Variants in CA12 observed in about 807,000 individuals in gnomAD.
The protein encoded by CA12 is carbonate dehydratase XII.
CA12 carries 36 observed loss-of-function variants against 46.8 expected under a neutral mutation model. The ratio of observed to expected loss-of-function variants is 0.77; its 90% CI spans 0.59 to 1.02. The LOEUF is 1.02. Ranked by LOEUF, CA12 falls within the 50% of genes least tolerant of loss-of-function variation. The pLI, the probability that CA12 is intolerant of heterozygous loss-of-function variation, is 0.00. For missense variants in CA12, 436 were observed against 451.4 expected, an observed-to-expected ratio of 0.97 and a Z score of 0.31; for synonymous variants, 202 against 187.0, an observed-to-expected ratio of 1.08 and a Z score of -0.65.
In CA12 at chr15:63,348,123, A is replaced by G; in HGVS notation, c.107-1414T>C. 6.6e-6 allele frequency among the ~76,000 whole-genome samples: 1 copy of G among 152,200 alleles called. No individual in the cohort carries two copies. The highest frequency in any genetic ancestry group is 1.9e-4 in the East Asian group (1 of 5,202). Reference sequence around the variant, plus strand: ...AGTTAGTTCTTACTTCTAGGTCCGGACACACACATCGGAACCCTACTGATT... The same window carrying G: ...AGTTAGTTCTTACTTCTAGGTCCGGGCACACACATCGGAACCCTACTGATT... On this transcript the variant is annotated intron_variant, in intron 2 of 10. Coordinates refer to ENST00000178638, the MANE Select transcript of CA12 (RefSeq NM_001218.5). This position sits in a 1 kb window ranked among gnomAD's most constrained non-coding sequence, Gnocchi z 4.6.
intron 1 of CA12, 48 bp downstream of exon 1, chr15:63,381,588 C>A: frequency 6.8e-7 from 1 of 1,480,684 alleles, no homozygotes; most frequent in Non-Finnish European, 9.3e-7. Flanking sequence ...AGCCCAGGGG[C>A]GGCTGAGCGC....
Position 63,362,165 on chromosome 15 carries a change from A to T in CA12, c.106+13493T>A, listed in dbSNP as rs931483046. Among the ~76,000 whole-genome samples the T allele has an allele frequency of 3.9e-5, 6 of 152,206 alleles. No individual in the cohort carries two copies. The East Asian group carries it at 9.6e-4, about 24-fold the overall frequency. On this transcript the variant is annotated intron_variant, in intron 2 of 10. Transcript: ENST00000178638. Reference sequence around the variant, plus strand: ...AATGAATGTAGCTGTGTTCCAAAGAAATTTATTTATAAAACAGGTGTTGGG... The same window carrying T: ...AATGAATGTAGCTGTGTTCCAAAGATATTTATTTATAAAACAGGTGTTGGG...
chr15:63,356,842 C>CAAAGTATTAAAA (rs1161030396), intron 2 of CA12, among the ~76,000 whole-genome samples: 1 of 152,116 alleles, frequency 6.6e-6, no homozygotes, highest in Non-Finnish European at 1.5e-5. Context: ...ATATAGATCC[C>CAAAGTATTAAAA]AAAGTATTAA....
rs899289396 is a variant in CA12, at chr15:63,333,688, T to C, written c.874+5131A>G. 3.3e-5 allele frequency among the ~76,000 whole-genome samples: 5 copies of C among 152,364 alleles called. No homozygotes were observed. The South Asian group carries it at 1.0e-3, about 32-fold the overall frequency. ...GATAATTAGCCATCTTAGCCATGTC[T>C]GATTTCCTTCTCCCTCCTTTTAAGG... is the stretch of plus-strand genomic sequence containing the variant. On this transcript the variant is annotated intron_variant, in intron 8 of 10. Transcript: ENST00000178638.
Position 63,323,568 on chromosome 15 carries a change from T to TGTGTATCTTC in CA12, c.*2707_*2716dup, listed in dbSNP as rs1459939721. On this transcript the variant is annotated 3_prime_UTR_variant, in exon 11 of 11. Coordinates refer to ENST00000178638, the MANE Select transcript of CA12 (RefSeq NM_001218.5). The surrounding 1 kb of genome is among the most constrained non-coding windows in gnomAD (Gnocchi z 5.1). ...CATTTATAATTTCTTGTAGTTACAG[T>TGTGTATCTTC]GTGTATCTTCATTATAATCATTCTT... 3 of 151,370 alleles carry TGTGTATCTTC rather than the reference T, an allele frequency of 2.0e-5. No individual in the cohort carries two copies. Among genetic ancestry groups the TGTGTATCTTC allele is most frequent in the Admixed American group, 2.0e-4 (3 of 15,170 alleles). 9.4% of individuals were successfully genotyped at this position (151,370 alleles called of 1,614,324 possible).
At chr15:63,338,737 G>T in intron 8 of CA12, 82 bp downstream of exon 8, 1 of 1,579,692 alleles carries the variant, frequency 6.3e-7, no homozygotes, top group Non-Finnish European at 8.7e-7. Flanking sequence ...GGGCATCAGT[G>T]CCAGAGCTGC....
Position 63,327,979 on chromosome 15 carries a change from G to T in CA12, c.907+119C>A. The T allele has an allele frequency of 4.3e-6, 4 of 924,100 alleles. No individual in the cohort carries two copies. In the South Asian group the frequency reaches 5.3e-5, roughly 12 times the overall value. 57.2% of individuals were successfully genotyped at this position (924,100 alleles called of 1,614,324 possible). On this transcript the variant is annotated intron_variant, in intron 9 of 10. Coordinates refer to ENST00000178638, the MANE Select transcript of CA12 (RefSeq NM_001218.5). This position sits in a 1 kb window ranked among gnomAD's most constrained non-coding sequence, Gnocchi z 4.5. Reference sequence around the variant, plus strand: ...ACTTGAGGGTAAGACCCATAGCAAGGAGAGGGCCAGGAGCCAGAGCAATAG... The same window carrying T: ...ACTTGAGGGTAAGACCCATAGCAAGTAGAGGGCCAGGAGCCAGAGCAATAG...
rs142688991 is a variant in CA12, at chr15:63,361,405, C to T, written c.106+14253G>A. Among the ~76,000 whole-genome samples, 69 of 152,188 alleles carry T rather than the reference C, an allele frequency of 4.5e-4. 2 individuals are homozygous for T. In the East Asian group the frequency reaches 0.012, roughly 27 times the overall value. On this transcript the variant is annotated intron_variant, in intron 2 of 10. Coordinates refer to ENST00000178638, the MANE Select transcript of CA12 (RefSeq NM_001218.5). ...CTAAGCCAGTGATTTTCAACTGGGG[C>T]GATTTTGCCCTTCAGGGGACATTGG...
intron 1 of CA12, among the ~76,000 whole-genome samples, chr15:63,379,774 G>A (rs936221929): frequency 6.6e-6 from 1 of 152,176 alleles, no homozygotes; most frequent in Non-Finnish European, 1.5e-5. Flanking sequence ...ACCATCTCCT[G>A]GGTAGCCCAA....
chr15:63,355,444 A>G lies in CA12; in HGVS notation c.107-8735T>C, dbSNP rs1283681806. Among the ~76,000 whole-genome samples, 1 of 152,194 alleles carries G rather than the reference A, an allele frequency of 6.6e-6. No individual in the cohort carries two copies. ...GCCTAGGAACTCATTCAAAATGCAG[A>G]GTCTCGGGCCCCACCCCAGGCCTAC... On this transcript the variant is annotated intron_variant, in intron 2 of 10. Coordinates refer to ENST00000178638, the MANE Select transcript of CA12 (RefSeq NM_001218.5). The surrounding 1 kb of genome is among the most constrained non-coding windows in gnomAD (Gnocchi z 4.1).
At chr15:63,361,907 T>C (rs1380024376) in intron 2 of CA12, among the ~76,000 whole-genome samples, 1 of 152,240 alleles carries the variant, frequency 6.6e-6, no homozygotes, top group Non-Finnish European at 1.5e-5. Flanking sequence ...TAGGACCTCA[T>C]TCAAATTTTG....
chr15:63,327,876 T>TAC lies in CA12; in HGVS notation c.907+220_907+221dup, dbSNP rs2038888220. Among the ~76,000 whole-genome samples the TAC allele has an allele frequency of 6.6e-6, 1 of 152,230 alleles. No homozygotes were observed. The highest frequency in any genetic ancestry group is 1.5e-5 in the Non-Finnish European group (1 of 68,046). On this transcript the variant is annotated intron_variant, in intron 9 of 10. Coordinates refer to ENST00000178638, the MANE Select transcript of CA12 (RefSeq NM_001218.5). The surrounding 1 kb of genome is among the most constrained non-coding windows in gnomAD (Gnocchi z 4.5). ...GAAAGTCTTAGATAGGTTCTTTGAA[T>TAC]ACACACATGCTGTAGAGTGATTGGA...
chr15:63,377,324 C>A (rs1349560654), intron 1 of CA12, among the ~76,000 whole-genome samples: 1 of 152,128 alleles, frequency 6.6e-6, no homozygotes, highest in Admixed American at 6.5e-5. Flanking sequence ...GATGGAAAAG[C>A]GTACCCTTGT....
rs892198470 is a variant in CA12, at chr15:63,339,665, C to G, written c.747+623G>C. On this transcript the variant is annotated intron_variant, in intron 7 of 10. Coordinates refer to ENST00000178638, the MANE Select transcript of CA12 (RefSeq NM_001218.5). This position sits in a 1 kb window ranked among gnomAD's most constrained non-coding sequence, Gnocchi z 4.3. ...CAGGGTGTAGTGCTGGCCCCAGCCC[C>G]GTCTCCTGGGGAGCCATTTTTCTTC... Among the ~76,000 whole-genome samples the G allele has an allele frequency of 6.6e-6, 1 of 152,136 alleles. No individual in the cohort carries two copies. The highest frequency in any genetic ancestry group is 1.5e-5 in the Non-Finnish European group (1 of 68,034).
rs2039281845 is a variant in CA12 at position 63,355,403 on chromosome 15, A to G, written c.107-8694T>C. Among the ~76,000 whole-genome samples, 1 of 152,214 alleles carries G rather than the reference A, an allele frequency of 6.6e-6. No homozygotes were observed. Among genetic ancestry groups the G allele is most frequent in the African/African-American group, 2.4e-5 (1 of 41,448 alleles). On this transcript the variant is annotated intron_variant, in intron 2 of 10. Coordinates refer to ENST00000178638, the MANE Select transcript of CA12 (RefSeq NM_001218.5). The surrounding 1 kb of genome is among the most constrained non-coding windows in gnomAD (Gnocchi z 4.1). ...TGGTTCTCAAAGCGTGGCTCCAGAC[A>G]AGCATTATCATCACCGCCTAGGAAC...
rs191778910 is a variant in CA12 at position 63,330,940 on chromosome 15, T to A, written c.875-2810A>T. Reference sequence around the variant, plus strand: ...AAGGCCCAGAGACTGGGACAGATACTTTTCAGCCAAGACTTTGATACAGCA... The same window carrying A: ...AAGGCCCAGAGACTGGGACAGATACATTTCAGCCAAGACTTTGATACAGCA... On this transcript the variant is annotated intron_variant, in intron 8 of 10. Coordinates refer to ENST00000178638, the MANE Select transcript of CA12 (RefSeq NM_001218.5). The surrounding 1 kb of genome is among the most constrained non-coding windows in gnomAD (Gnocchi z 4.0). Among the ~76,000 whole-genome samples, 189 of 152,334 alleles carry A rather than the reference T, an allele frequency of 1.2e-3. No individual in the cohort carries two copies. The highest frequency in any genetic ancestry group is 4.1e-3 in the African/African-American group (171 of 41,570).
chr15:63,381,062 G>T (rs562049611), intron 1 of CA12, among the ~76,000 whole-genome samples: 1 of 151,780 alleles, frequency 6.6e-6, no homozygotes, highest in East Asian at 1.9e-4. Flanking sequence ...GCGCGCGTGC[G>T]TGTGTGTGTG....
chr15:63,373,924 A>C lies in CA12; in HGVS notation c.106+1734T>G, dbSNP rs1236480333. On this transcript the variant is annotated intron_variant, in intron 2 of 10. Transcript: ENST00000178638. This position sits in a 1 kb window ranked among gnomAD's most constrained non-coding sequence, Gnocchi z 4.9. ...GGGGCCCTGTGGCCCAGATTCTGCGATTCTTACTTTGTCAGTTCTCTTATC... is the reference window on the plus strand; with the variant it reads ...GGGGCCCTGTGGCCCAGATTCTGCGCTTCTTACTTTGTCAGTTCTCTTATC... 6.6e-6 allele frequency among the ~76,000 whole-genome samples: 1 copy of C among 152,176 alleles called. No individual in the cohort carries two copies. The highest frequency in any genetic ancestry group is 1.5e-5 in the Non-Finnish European group (1 of 68,024).
chr15:63,376,446 C>G (rs1567056873), intron 1 of CA12, among the ~76,000 whole-genome samples: 1 of 152,174 alleles, frequency 6.6e-6, no homozygotes, highest in Non-Finnish European at 1.5e-5. Context: ...TGATCTCCCT[C>G]TTTCTCCTCA....
Sources: allele counts gnomAD v4.1 joint callset (sites outside exome capture counted in the v4.1 genomes callset), GRCh38; gene constraint gnomAD v4.1.1; non-coding constraint Gnocchi (gnomAD v3.1); transcripts MANE v1.5; gene names NCBI Gene and HGNC (gene_info 2026-07-23, HGNC 2026-07-21).